Variants in GOLGA4 observed in about 807,000 individuals in gnomAD.
GOLGA4 encodes the protein golgin A4.
Under a neutral mutation model 265.9 loss-of-function variants are expected in GOLGA4, and 169 were observed. The ratio of observed to expected loss-of-function variants is 0.64; its 90% CI spans 0.56 to 0.72. GOLGA4 has a LOEUF of 0.72. Ranked by LOEUF, GOLGA4 falls within the 30% of genes least tolerant of loss-of-function variation. GOLGA4 has a pLI of 0.00. For missense variants in GOLGA4, 2,482 were observed against 2,483.4 expected, an observed-to-expected ratio of 1.00 and a Z score of 0.01; for synonymous variants, 923 against 855.8, an observed-to-expected ratio of 1.08 and a Z score of -1.37.
intron 23 of GOLGA4, among the ~76,000 whole-genome samples, chr3:37,364,699 G>A (rs1228297603): frequency 2.0e-5 from 3 of 149,100 alleles, no homozygotes; most frequent in Non-Finnish European, 3.0e-5. Flanking sequence ...GAATCCTCCC[G>A]CCTCAGCCTT....
Position 37,326,354 on chromosome 3 carries a change from C to A in GOLGA4, c.4468C>A (p.Gln1490Lys). 1 of 1,612,490 alleles carries A rather than the reference C, an allele frequency of 6.2e-7. No homozygotes were observed. The highest frequency in any genetic ancestry group is 8.5e-7 in the Non-Finnish European group (1 of 1,179,484). Residue 1490 changes from glutamine (Q) to lysine (K), a missense_variant, in exon 14 of 24, where the codon CAG becomes AAG. This residue lies in a region of GOLGA4 where 942 missense variants were observed against 983.1 expected (regional missense o/e 0.96). Transcript: ENST00000361924. ...AAATTTATTGAAGGAAGAGCTTGAT[C>A]AGCAAAATAAAAGATTTGATTGTTT... ...QINLLKEELD[Q>K]QNKRFDCLKG...
intron 3 of GOLGA4, among the ~76,000 whole-genome samples, chr3:37,282,699 T>C (rs944123939): frequency 7.2e-5 from 11 of 152,232 alleles, no homozygotes; most frequent in African/African-American, 2.4e-4. Flanking sequence ...AAAATTGTTT[T>C]AGGTAGCCTG....
At chr3:37,341,278 A>G (rs1418877425) in intron 20 of GOLGA4, among the ~76,000 whole-genome samples, 1 of 152,238 alleles carries the variant, frequency 6.6e-6, no homozygotes, top group African/African-American at 2.4e-5. Context: ...GAATAATCTT[A>G]TATAACACTT....
intron 4 of GOLGA4, among the ~76,000 whole-genome samples, chr3:37,288,589 G>GC (rs2096856576): frequency 6.6e-6 from 1 of 151,406 alleles, no homozygotes; most frequent in African/African-American, 2.4e-5. Context: ...CCATTCTCCT[G>GC]CCTCAGCCTC....
In GOLGA4 at chr3:37,321,742, A is replaced by G. The variant is rs145496906; in HGVS notation, c.1557A>G (p.Gln519=). 1.3e-4 allele frequency: 214 copies of G among 1,605,566 alleles called. No individual in the cohort carries two copies. The highest frequency in any genetic ancestry group is 5.0e-4 in the Middle Eastern group (3 of 6,012). The change falls in exon 13 of 24, where the codon CAA becomes CAG. Residue 519 remains glutamine (Q), a synonymous_variant. Transcript: ENST00000361924. The part of the protein sequence containing the change: ...EQMKVALEKS[Q]SEYLKISQEK... ...TATTTTTGGCACAGGAAAAGAGTCA[A>G]TCAGAATATTTGAAGATCAGCCAAG...
rs150823757 is a variant in GOLGA4, at chr3:37,335,057, G to A, written c.6197G>A (p.Arg2066His). The A allele has an allele frequency of 3.7e-5, 57 of 1,557,120 alleles. No individual in the cohort carries two copies. Among genetic ancestry groups the A allele is most frequent in the African/African-American group, 2.2e-4 (16 of 72,300 alleles). ...AKRYEEILDAREEEMTAKVRD... is the reference protein window; with the variant it reads ...AKRYEEILDAHEEEMTAKVRD... The stretch of plus-strand genomic sequence containing the variant: ...CTTTTTTTTTAAATCCTAAAGGCTC[G>A]TGAAGAAGAAATGACTGCAAAAGTA... Residue 2066 changes from arginine (R) to histidine (H), a missense_variant, in exon 17 of 24, where the codon CGT (arginine) becomes CAT (histidine). By Grantham distance (29) the Arg-to-His change is conservative. Around this residue, in one of 3 missense-constraint regions of GOLGA4, gnomAD observed 942 missense variants for 983.1 expected, o/e 0.96. Coordinates refer to ENST00000361924, the MANE Select transcript of GOLGA4 (RefSeq NM_002078.5).
At chr3:37,292,783 T>A (rs562708110) in intron 5 of GOLGA4, among the ~76,000 whole-genome samples, 2 of 152,128 alleles carry the variant, frequency 1.3e-5, no homozygotes, top group South Asian at 2.1e-4. Flanking sequence ...TCTAAGAAAA[T>A]CTCTCCACAT....
rs539161790 is a variant in GOLGA4 at position 37,307,177 on chromosome 3, G to A, written c.1234+4845G>A. Among the ~76,000 whole-genome samples the A allele has an allele frequency of 7.2e-5, 11 of 152,082 alleles. No individual in the cohort carries two copies. The South Asian group carries it at 1.9e-3, about 26-fold the overall frequency. Reference sequence around the variant, plus strand: ...AAGTTACTTGTTTTATATGATTGGTGGCATTTAAAAACTTGGACTAACTCA... The same window carrying A: ...AAGTTACTTGTTTTATATGATTGGTAGCATTTAAAAACTTGGACTAACTCA... On this transcript the variant is annotated intron_variant, in intron 10 of 23. Transcript: ENST00000361924.
intron 2 of GOLGA4, among the ~76,000 whole-genome samples, chr3:37,280,517 C>T (rs2096831988): frequency 6.6e-6 from 1 of 152,074 alleles, no homozygotes; most frequent in Non-Finnish European, 1.5e-5. Context: ...TGCAGATACT[C>T]CAAAATCTGA....
Position 37,319,418 on chromosome 3 carries a change from A to G in GOLGA4, c.1545+224A>G, listed in dbSNP as rs1280752709. On this transcript the variant is annotated intron_variant, in intron 12 of 23. Transcript: ENST00000361924. ...ACACACTTTCTTTTTTTTATGAGAG[A>G]GAGTCTCGCTCTGTTGCCTAGGCTA... 8 of 282,296 alleles carry G rather than the reference A, an allele frequency of 2.8e-5. No homozygotes were observed. The East Asian group carries it at 4.9e-4, about 17-fold the overall frequency. 17.5% of individuals were successfully genotyped at this position (282,296 alleles called of 1,614,324 possible). A position where few individuals can be genotyped will look rare whatever the true frequency, so the allele number is the denominator to read the frequency against.
rs2096708034 is a variant in GOLGA4, at chr3:37,243,391, C to T, written c.-160C>T. 1.5e-6 allele frequency: 1 copy of T among 650,718 alleles called. No homozygotes were observed. The highest frequency in any genetic ancestry group is 3.0e-5 in the East Asian group (1 of 33,804). The allele number at this position is 650,718 out of a possible 1,614,324, so 40.3% of individuals were successfully genotyped here. On this transcript the variant is annotated 5_prime_UTR_variant, in exon 1 of 24. The change creates a new upstream start codon in the 5' untranslated region. Transcript: ENST00000361924. Reference sequence around the variant, plus strand: ...GGCGGCGACGCCGACACCCTCAGGACGAGTGTCCGGACTTGCCCACAGCCT... The same window carrying T: ...GGCGGCGACGCCGACACCCTCAGGATGAGTGTCCGGACTTGCCCACAGCCT...
intron 22 of GOLGA4, 107 bp from the exon 23 acceptor site, chr3:37,361,136 T>A: frequency 1.1e-6 from 1 of 876,378 alleles, no homozygotes; most frequent in Non-Finnish European, 1.9e-6. Flanking sequence ...TGAGAAAAAT[T>A]TAAGTACAGT....
chr3:37,279,823 C>T (rs975091731), intron 2 of GOLGA4, among the ~76,000 whole-genome samples: 9 of 151,876 alleles, frequency 5.9e-5, no homozygotes, highest in African/African-American at 2.2e-4. Flanking sequence ...ACGGGAATCA[C>T]TTGAACCCGG....
intron 20 of GOLGA4, among the ~76,000 whole-genome samples, chr3:37,342,420 G>A (rs2097039144): frequency 6.6e-6 from 1 of 152,036 alleles, no homozygotes; most frequent in South Asian, 2.1e-4. Flanking sequence ...AGAAGCCCCT[G>A]TGTGTCTGCC....
At chr3:37,362,747 G>T (rs1169182635) in intron 23 of GOLGA4, among the ~76,000 whole-genome samples, 3 of 145,596 alleles carry the variant, frequency 2.1e-5, no homozygotes, top group African/African-American at 7.6e-5. Context: ...CGAACTCCTG[G>T]GCTCAAGCGA....
chr3:37,363,863 G>A (rs114138194), intron 23 of GOLGA4, among the ~76,000 whole-genome samples: 5,857 of 152,126 alleles, frequency 0.039, 144 homozygotes, highest in African/African-American at 0.056. Context: ...ACTAGAAAAC[G>A]TCTAGCTTTT....
intron 2 of GOLGA4, among the ~76,000 whole-genome samples, chr3:37,257,660 C>G (rs116162458): frequency 0.011 from 1,629 of 151,266 alleles, 28 homozygotes; most frequent in African/African-American, 0.037. Flanking sequence ...GGATTAGGGT[C>G]CTAGGGATGT....
rs987286120 is a variant in GOLGA4, at chr3:37,304,685, T to C, written c.1234+2353T>C. Among the ~76,000 whole-genome samples, 5 of 152,186 alleles carry C rather than the reference T, an allele frequency of 3.3e-5. No homozygotes were observed. In the South Asian group the frequency reaches 1.0e-3, roughly 32 times the overall value. On this transcript the variant is annotated intron_variant, in intron 10 of 23. Transcript: ENST00000361924. The stretch of plus-strand genomic sequence containing the variant: ...GAGGAGATAGAAACTGATTAATAAA[T>C]ATCAAGTTGAAAAGGGTAAATGATG...
intron 2 of GOLGA4, among the ~76,000 whole-genome samples, chr3:37,263,887 T>A (rs941558560): frequency 6.6e-6 from 1 of 152,208 alleles, no homozygotes; most frequent in Non-Finnish European, 1.5e-5. Context: ...CAGAATTGGT[T>A]TTCAATTTGA....
Sources: allele counts gnomAD v4.1 joint callset (sites outside exome capture counted in the v4.1 genomes callset), GRCh38; gene constraint gnomAD v4.1.1; regional missense constraint gnomAD v4.1.1; transcripts MANE v1.5; gene names NCBI Gene and HGNC (gene_info 2026-07-23, HGNC 2026-07-21).